Variants in COL6A5 observed in about 807,000 individuals in gnomAD.
The protein encoded by COL6A5 is collagen type VI alpha 5 chain.
In COL6A5, 48 loss-of-function variants were observed where a neutral mutation model predicts 65.6. The observed-to-expected ratio is 0.73, with a 90% CI of 0.58 to 0.93. The LOEUF (loss-of-function observed/expected upper bound fraction) is 0.93. Ranked by LOEUF, COL6A5 falls within the 40% of genes least tolerant of loss-of-function variation. The probability of loss-of-function intolerance (pLI) is 0.00; values close to 1 mark genes in which losing one functional copy is unlikely to be tolerated. For synonymous variants in COL6A5, 291 were observed against 322.8 expected (o/e 0.90, Z 1.05); for missense variants, 914 against 928.3 (o/e 0.98, Z 0.20).
chr3:130,440,690 T>C (rs1709160018), exon 3 of COL6A5: 1 of 1,613,468 alleles, frequency 6.2e-7, no homozygotes, highest in Admixed American at 1.7e-5. Context: ...TTCTCTGGGC[T>C]CTACACGTAA....
At chr3:130,454,480 T>G (rs1035293884) in intron 4 of COL6A5, among the ~76,000 whole-genome samples, 4 of 152,192 alleles carry the variant, frequency 2.6e-5, no homozygotes, top group Non-Finnish European at 5.9e-5. Context: ...CCTCATTAAC[T>G]CTCAACAGTT....
intron 7 of COL6A5, among the ~76,000 whole-genome samples, chr3:130,476,536 C>T (rs935636808): frequency 2.6e-5 from 4 of 152,076 alleles, no homozygotes; most frequent in African/African-American, 7.2e-5. Flanking sequence ...GCCCACACCC[C>T]ATATCAATTA....
chr3:130,396,816 C>A (rs1282742883), intron 8 of COL6A5, among the ~76,000 whole-genome samples: 1 of 152,204 alleles, frequency 6.6e-6, no homozygotes, highest in Non-Finnish European at 1.5e-5. Context: ...TTTGTAACCT[C>A]TAAAACTTAA....
At chr3:130,406,515 C>T (rs945394173) in intron 17 of COL6A5, among the ~76,000 whole-genome samples, 194 bp downstream of exon 17, 1 of 152,038 alleles carries the variant, frequency 6.6e-6, no homozygotes, top group African/African-American at 2.4e-5. Context: ...TAAAGAATTT[C>T]CACCTAGAAA....
chr3:130,426,438 A>G lies in COL6A5; in HGVS notation c.5236+35A>G, dbSNP rs191674704. The G allele has an allele frequency of 8.5e-5, 132 of 1,548,536 alleles. No individual in the cohort carries two copies. The Admixed American group carries it at 9.4e-4, about 11-fold the overall frequency. ...TGTTACGGAACAAGAGCATCCATCA[A>G]TGGTTGGTGAGGCACTTAGGACTGT... On this transcript the variant is annotated intron_variant and NMD_transcript_variant, in intron 31 of 41. Coordinates refer to the COL6A5 transcript ENST00000312481.
intron 20 of COL6A5, among the ~76,000 whole-genome samples, chr3:130,412,078 G>A (rs548503310): frequency 2.6e-5 from 4 of 151,978 alleles, no homozygotes; most frequent in Admixed American, 1.3e-4. Context: ...TGTTTTACCC[G>A]TTGTTCCCAA....
exon 9 of COL6A5, chr3:130,397,652 G>T: frequency 6.4e-7 from 1 of 1,551,294 alleles, no homozygotes; most frequent in Non-Finnish European, 8.7e-7. Flanking sequence ...TTGTTCCAGG[G>T]CCACCCCCAG....
chr3:130,379,759 G>A (rs1935925545), exon 4 of COL6A5: 10 of 1,551,420 alleles, frequency 6.4e-6, no homozygotes, highest in Non-Finnish European at 8.7e-6. Context: ...AAGAGCACAA[G>A]GAGTGCCTCA....
chr3:130,439,016 A>G (rs1246770989), intron 1 of COL6A5, among the ~76,000 whole-genome samples: 1 of 152,142 alleles, frequency 6.6e-6, no homozygotes, highest in Non-Finnish European at 1.5e-5. Context: ...TTGACAACTG[A>G]GAGATGTGCC....
chr3:130,479,237 G>A (rs575937366), intron 7 of COL6A5, among the ~76,000 whole-genome samples: 7 of 150,654 alleles, frequency 4.6e-5, no homozygotes, highest in Admixed American at 4.0e-4. Flanking sequence ...AAGGCACCAC[G>A]TTTGAACCAG....
intron 1 of COL6A5, among the ~76,000 whole-genome samples, chr3:130,363,486 A>T (rs1400850537): frequency 6.6e-6 from 1 of 152,138 alleles, no homozygotes; most frequent in Non-Finnish European, 1.5e-5. Flanking sequence ...GAGGGACAGG[A>T]TGGTGTAATG....
At chr3:130,399,019 C>T (rs904008436) in intron 10 of COL6A5, among the ~76,000 whole-genome samples, 4 of 152,126 alleles carry the variant, frequency 2.6e-5, no homozygotes, top group African/African-American at 7.2e-5. Context: ...AAGCACTTCT[C>T]GCTATATATT....
In COL6A5 at chr3:130,380,061, T is replaced by A. The variant is rs1004623862; in HGVS notation, c.1300+11T>A. On this transcript the variant is annotated intron_variant and NMD_transcript_variant, in intron 4 of 41. Coordinates refer to the COL6A5 transcript ENST00000312481. ...ATCTTGATAAAACTGGTATGTTTTT[T>A]AAAATACTTTTCTAATTATAAAATT... 5.6e-5 allele frequency: 83 copies of A among 1,472,506 alleles called. No individual in the cohort carries two copies. Among genetic ancestry groups the A allele is most frequent in the Non-Finnish European group, 6.5e-5 (72 of 1,103,068 alleles). 91.2% of individuals were successfully genotyped at this position (1,472,506 alleles called of 1,614,324 possible).
chr3:130,386,691 C>A (rs936511029), intron 5 of COL6A5, among the ~76,000 whole-genome samples: 2 of 151,980 alleles, frequency 1.3e-5, no homozygotes, highest in African/African-American at 4.8e-5. Context: ...TATCTCAGAT[C>A]CTTTCAAGGG....
chr3:130,353,374 G>T (rs182684825), intron 1 of COL6A5, among the ~76,000 whole-genome samples: 1 of 152,220 alleles, frequency 6.6e-6, no homozygotes. Flanking sequence ...CATTTGTTAC[G>T]TGCAAAACAA....
chr3:130,442,153 T>A (rs1317348710), intron 3 of COL6A5, among the ~76,000 whole-genome samples: 1 of 152,164 alleles, frequency 6.6e-6, no homozygotes, highest in African/African-American at 2.4e-5. Flanking sequence ...AGGAAAAAAA[T>A]GTTTCCAATT....
intron 20 of COL6A5, among the ~76,000 whole-genome samples, chr3:130,411,339 T>G (rs575387407): frequency 1.3e-5 from 2 of 152,364 alleles, no homozygotes; most frequent in African/African-American, 4.8e-5. Flanking sequence ...GATTTGGCTC[T>G]GAGTTTTGTT....
At chr3:130,470,783 C>T (rs1577541220) in intron 6 of COL6A5, 88 bp from the exon 39 acceptor site, 4 of 919,396 alleles carry the variant, frequency 4.4e-6, no homozygotes, top group Non-Finnish European at 5.2e-6. Context: ...GAAAACACTG[C>T]CAACCACGTG....
chr3:130,471,014 G>C, intron 7 of COL6A5, 47 bp downstream of exon 39: 1 of 1,338,804 alleles, frequency 7.5e-7, no homozygotes, highest in Non-Finnish European at 1.1e-6. Context: ...ACTGGAAACA[G>C]TTCTTAAGAA....
Sources: allele counts gnomAD v4.1 joint callset (sites outside exome capture counted in the v4.1 genomes callset), GRCh38; gene constraint gnomAD v4.1.1; transcripts MANE v1.5; gene names NCBI Gene and HGNC (gene_info 2026-07-23, HGNC 2026-07-21).